Variants in DCBLD1 observed in about 807,000 individuals in gnomAD.
DCBLD1 encodes the protein discoidin, CUB and LCCL domain-containing protein 1.
A neutral mutation model predicts 71.5 loss-of-function variants in DCBLD1; 57 were observed. The observed-to-expected ratio is 0.80, with a 90% CI of 0.64 to 0.99. The LOEUF is 0.99. Among genes scored for constraint, DCBLD1 ranks in the 50% least tolerant of loss-of-function variants. DCBLD1 has a pLI of 0.00. For missense variants in DCBLD1, 891 were observed against 923.5 expected (o/e 0.96, Z 0.46); for synonymous variants, 380 against 363.8 (o/e 1.04, Z -0.51).
chr6:117,515,188 T>C (rs1235800508), intron 2 of DCBLD1, among the ~76,000 whole-genome samples: 1 of 151,804 alleles, frequency 6.6e-6, no homozygotes, highest in Non-Finnish European at 1.5e-5. Flanking sequence ...CTCGGCTAAT[T>C]TTTTTTGTAT....
At chr6:117,503,267 A>T (rs1777723891) in intron 1 of DCBLD1, among the ~76,000 whole-genome samples, 1 of 152,242 alleles carries the variant, frequency 6.6e-6, no homozygotes, top group Admixed American at 6.5e-5. Context: ...TATTAGGCTC[A>T]GTCCCCAGCT....
chr6:117,518,294 T>A (rs1434213745), intron 2 of DCBLD1, among the ~76,000 whole-genome samples: 1 of 152,228 alleles, frequency 6.6e-6, no homozygotes, highest in East Asian at 1.9e-4. Context: ...CATTTCCATC[T>A]GAGACCACCT....
intron 14 of DCBLD1, chr6:117,563,441 G>GCGGCACTAT: frequency 6.5e-7 from 1 of 1,547,064 alleles, no homozygotes; most frequent in Non-Finnish European, 8.9e-7. Flanking sequence ...GTTGGTTTTG[G>GCGGCACTAT]TCAGGTGCAG....
At chr6:117,503,669 A>G (rs1777737749) in intron 1 of DCBLD1, 98 bp from the exon 2 acceptor site, 1 of 1,343,548 alleles carries the variant, frequency 7.4e-7, no homozygotes, top group Non-Finnish European at 1.0e-6. Flanking sequence ...CCCAAAAACA[A>G]TAAAATACAT....
chr6:117,532,533 G>C (rs1018176706), intron 6 of DCBLD1, 140 bp downstream of exon 6: 68 of 1,106,884 alleles, frequency 6.1e-5, no homozygotes, highest in African/African-American at 9.5e-5. Flanking sequence ...TGAGTGCTTA[G>C]AGCAGCATTT....
chr6:117,537,197 A>G lies in DCBLD1; in HGVS notation c.732A>G (p.Ser244=). 6.2e-7 allele frequency: 1 copy of G among 1,614,132 alleles called. No homozygotes were observed. Among genetic ancestry groups the G allele is most frequent in the South Asian group, 1.1e-5 (1 of 91,074 alleles). ...TTTATTGTTTCAGTGGTTCCCTGTC[A>G]GACAAGCGATTTCTGTTTACCTCCA... ...NGVLSRDGSL[S]DKRFLFTSNG... is the part of the protein sequence containing the mutation. The change falls in exon 7 of 15, where the codon TCA becomes TCG. Residue 244 remains serine, a synonymous_variant. Coordinates refer to ENST00000338728, the MANE Select transcript of DCBLD1 (RefSeq NM_001366458.2).
Position 117,525,287 on chromosome 6 carries a change from A to T in DCBLD1, c.513-75A>T, listed in dbSNP as rs542506106. On this transcript the variant is annotated intron_variant, in intron 4 of 14. Coordinates refer to ENST00000338728, the MANE Select transcript of DCBLD1 (RefSeq NM_001366458.2). ...TATATGGAGGGCAGAAAATACTTTA[A>T]AAATTTAAGTACAGTTTAATTTTTT... 23 of 1,186,528 alleles carry T rather than the reference A, an allele frequency of 1.9e-5. No individual in the cohort carries two copies. In the African/African-American group the frequency reaches 3.0e-4, roughly 16 times the overall value. 73.5% of individuals were successfully genotyped at this position (1,186,528 alleles called of 1,614,324 possible). A position where few individuals can be genotyped will look rare whatever the true frequency, so the allele number is the denominator to read the frequency against.
chr6:117,525,389 C>T lies in DCBLD1; in HGVS notation c.540C>T (p.Asp180=), dbSNP rs375411561. The change falls in exon 5 of 15, where the codon GAC becomes GAT. Residue 180 remains aspartate, a synonymous_variant. Coordinates refer to ENST00000338728, the MANE Select transcript of DCBLD1 (RefSeq NM_001366458.2). Reference sequence around the variant, plus strand: ...AATTCTGCCCAGCTGGTTGTAGAGACGTAGCAGGAGACATTTCTGGGAATA... The same window carrying T: ...AATTCTGCCCAGCTGGTTGTAGAGATGTAGCAGGAGACATTTCTGGGAATA... ...YSKFCPAGCR[D]VAGDISGNMV... is the part of the protein sequence containing the mutation. 235 of 1,505,674 alleles carry T rather than the reference C, an allele frequency of 1.6e-4. 1 individual carries two copies. Among genetic ancestry groups the T allele is most frequent in the Middle Eastern group, 3.5e-4 (2 of 5,736 alleles). The allele number at this position is 1,505,674 out of a possible 1,614,324, so 93.3% of individuals were successfully genotyped here. A position where few individuals can be genotyped will look rare whatever the true frequency, so the allele number is the denominator to read the frequency against.
intron 2 of DCBLD1, among the ~76,000 whole-genome samples, chr6:117,516,227 G>T (rs185386984): frequency 4.8e-3 from 730 of 151,836 alleles, no homozygotes; most frequent in Admixed American, 0.01. Context: ...CAGGCGTGGT[G>T]GTGGGTGCCT....
At chr6:117,550,824 C>T (rs935691627), downstream of DCBLD1, among the ~76,000 whole-genome samples, 6 of 152,204 alleles carry the variant, frequency 3.9e-5, no homozygotes, top group East Asian at 1.9e-4. Flanking sequence ...CATTCATGCA[C>T]GTACCAAATA....
intron 1 of DCBLD1, 63 bp from the exon 2 acceptor site, chr6:117,503,704 C>T (rs1777738727): frequency 6.4e-7 from 1 of 1,562,410 alleles, no homozygotes; most frequent in African/African-American, 1.4e-5. Flanking sequence ...ATTGGACTCT[C>T]AATCCTCAGT....
intron 14 of DCBLD1, chr6:117,563,165 C>T: frequency 1.6e-6 from 2 of 1,249,690 alleles, no homozygotes; most frequent in Non-Finnish European, 2.3e-6. Flanking sequence ...AACAGCCTCC[C>T]CTGATTTTGT....
chr6:117,561,294 C>T (rs556220327), intron 14 of DCBLD1: 81 of 223,884 alleles, frequency 3.6e-4, no homozygotes, highest in African/African-American at 1.6e-3. Flanking sequence ...TACACTTATT[C>T]GGTAGTTCTT....
intron 14 of DCBLD1, chr6:117,563,326 A>C (rs772993216): frequency 1.2e-6 from 2 of 1,613,288 alleles, no homozygotes; most frequent in East Asian, 2.2e-5. Flanking sequence ...GCGGAGTTTC[A>C]CTTGCAGTGC....
chr6:117,487,702 A>G (rs1777138341), intron 1 of DCBLD1, among the ~76,000 whole-genome samples: 1 of 152,220 alleles, frequency 6.6e-6, no homozygotes, highest in Non-Finnish European at 1.5e-5. Flanking sequence ...GTTGAATGTA[A>G]AAGTCTGAAA....
At chr6:117,526,359 A>G (rs1487896300) in intron 5 of DCBLD1, among the ~76,000 whole-genome samples, 1 of 152,212 alleles carries the variant, frequency 6.6e-6, no homozygotes, top group Non-Finnish European at 1.5e-5. Context: ...TTTCAGTTTG[A>G]AGATTTACTT....
In DCBLD1 at chr6:117,538,812, T is replaced by C. The variant is rs1290161801; in HGVS notation, c.953T>C (p.Leu318Ser). ...HKPREWLEID[L>S]GEKKKITGIR... is the part of the protein sequence containing the mutation. ...CCACGAGAGTGGCTGGAGATCGATTTGGGGGAGAAAAAGAAAATAACAGGT... is the reference window on the plus strand; with the variant it reads ...CCACGAGAGTGGCTGGAGATCGATTCGGGGGAGAAAAAGAAAATAACAGGT... Residue 318 changes from leucine to serine, a missense_variant, in exon 8 of 15, where the codon TTG (leucine) becomes TCG (serine). Transcript: ENST00000338728. The C allele has an allele frequency of 3.7e-5, 59 of 1,613,452 alleles. No homozygotes were observed. The highest frequency in any genetic ancestry group is 5.0e-5 in the Non-Finnish European group (59 of 1,179,814).
rs1778394440 is a variant in DCBLD1 at position 117,521,757 on chromosome 6, G to A, written c.512+181G>A. Reference sequence around the variant, plus strand: ...AGTCAGCAAACCTTTTCTGTCAAGGGGTAGATAATAAATATTTCAGGTTTT... The same window carrying A: ...AGTCAGCAAACCTTTTCTGTCAAGGAGTAGATAATAAATATTTCAGGTTTT... On this transcript the variant is annotated intron_variant, in intron 4 of 14. Transcript: ENST00000338728. Among the ~76,000 whole-genome samples, 3 of 152,198 alleles carry A rather than the reference G, an allele frequency of 2.0e-5. 1 individual carries two copies. The highest frequency in any genetic ancestry group is 2.0e-4 in the Admixed American group (3 of 15,296).
chr6:117,493,435 C>G (rs187858725), intron 1 of DCBLD1, among the ~76,000 whole-genome samples: 7 of 152,212 alleles, frequency 4.6e-5, no homozygotes, highest in Non-Finnish European at 8.8e-5. Context: ...AGACCTTTCC[C>G]TTAATAGTCT....
Sources: gnomAD v4.1 joint callset for allele counts (sites outside exome capture counted in the v4.1 genomes callset) on GRCh38, gnomAD v4.1.1 for gene constraint, MANE v1.5 for transcripts, NCBI Gene and HGNC (gene_info 2026-07-23, HGNC 2026-07-21) for gene names.